Variants in XYLB observed in about 807,000 individuals in gnomAD.
XYLB encodes the protein xylulokinase, also known as xylulose kinase.
In XYLB, 62 loss-of-function variants were observed where a neutral mutation model predicts 78.7. The observed-to-expected ratio is 0.79, with a 90% confidence interval of 0.64 to 0.97. The LOEUF (loss-of-function observed/expected upper bound fraction) is 0.97. Ranked by LOEUF, XYLB falls within the 50% of genes least tolerant of loss-of-function variation. The pLI is 0.00. For synonymous variants in XYLB, 245 were observed against 247.4 expected, an observed-to-expected ratio of 0.99 and a Z score of 0.09; for missense variants, 687 against 676.8, an observed-to-expected ratio of 1.02 and a Z score of -0.17.
At chr3:38,419,966 C>A (rs1447262482), downstream of XYLB, among the ~76,000 whole-genome samples, 1 of 151,900 alleles carries the variant, frequency 6.6e-6, no homozygotes. Flanking sequence ...ATTACAGGCA[C>A]CCCCAACCAT....
chr3:38,388,183 T>TG (rs1707477756), intron 15 of XYLB, among the ~76,000 whole-genome samples: 2 of 150,682 alleles, frequency 1.3e-5, no homozygotes, highest in South Asian at 2.1e-4. Flanking sequence ...TTTTTTTTTT[T>TG]TTTTTTTTAC....
chr3:38,431,841 A>T, the XYLB span, among the ~76,000 whole-genome samples: 2 of 152,342 alleles, frequency 1.3e-5, no homozygotes, highest in Non-Finnish European at 2.9e-5. Context: ...TAATACCATC[A>T]GACCTCATGA....
At chr3:38,430,493 C>A in the XYLB span, among the ~76,000 whole-genome samples, 1 of 152,146 alleles carries the variant, frequency 6.6e-6, no homozygotes, top group African/African-American at 2.4e-5. Flanking sequence ...AATTTTCTCC[C>A]ATTCTGTAGG....
chr3:38,443,722 T>C, the XYLB span, among the ~76,000 whole-genome samples: 1 of 152,166 alleles, frequency 6.6e-6, no homozygotes, highest in Non-Finnish European at 1.5e-5. Context: ...AATAAACTTA[T>C]CTTTTAGGAT....
At chr3:38,417,262 C>A (rs1035778249), downstream of XYLB, among the ~76,000 whole-genome samples, 1 of 152,004 alleles carries the variant, frequency 6.6e-6, no homozygotes, top group Non-Finnish European at 1.5e-5. Context: ...ATGGTGAAAC[C>A]CCATCTCTAC....
intron 18 of XYLB, among the ~76,000 whole-genome samples, chr3:38,411,472 T>C (rs1708583033): frequency 1.3e-5 from 2 of 151,934 alleles, no homozygotes; most frequent in Admixed American, 1.3e-4. Context: ...ATGGCACATG[T>C]ATACATATGT....
intron 18 of XYLB, among the ~76,000 whole-genome samples, chr3:38,405,741 C>A (rs13095391): frequency 0.42 from 63,810 of 152,154 alleles, 15,707 homozygotes; most frequent in Non-Finnish European, 0.56. Context: ...TATCCCGCAC[C>A]TGGCTCAGAG....
chr3:38,428,108 A>G, the XYLB span, among the ~76,000 whole-genome samples: 1 of 152,110 alleles, frequency 6.6e-6, no homozygotes, highest in Non-Finnish European at 1.5e-5. Context: ...TAATTCCCAA[A>G]TATTAGGGGA....
chr3:38,358,390 G>T, intron 2 of XYLB, among the ~76,000 whole-genome samples: 1 of 139,048 alleles, frequency 7.2e-6, no homozygotes, highest in Non-Finnish European at 1.5e-5. Flanking sequence ...TTGCACCCAG[G>T]CTGGAGTGCA....
At position 38,413,309 on chromosome 3, in the gene XYLB, C is replaced by G. The variant is rs150025815; in HGVS notation, c.*296C>G. The stretch of plus-strand genomic sequence containing the variant: ...GGGATATGTCCAATAAAAACTATGA[C>G]TTTTCCCCTTGCAGAGGCAGAATTA... On this transcript the variant is annotated 3_prime_UTR_variant, in exon 19 of 19. Transcript: ENST00000207870. The G allele has an allele frequency of 1.2e-4, 39 of 314,134 alleles. No individual in the cohort carries two copies. Among genetic ancestry groups the G allele is most frequent in the African/African-American group, 7.5e-4 (35 of 46,518 alleles). The allele number at this position is 314,134 out of a possible 1,614,324, so 19.5% of individuals were successfully genotyped here.
At chr3:38,401,119 A>G (rs1708110234) in intron 18 of XYLB, 134 bp downstream of exon 18, 2 of 763,178 alleles carry the variant, frequency 2.6e-6, no homozygotes, top group Non-Finnish European at 4.3e-6. Flanking sequence ...TATTGAAATT[A>G]TCAAGAAAAT....
chr3:38,395,520 T>C lies in XYLB; in HGVS notation c.1307T>C (p.Ile436Thr). 6.2e-7 allele frequency: 1 copy of C among 1,614,126 alleles called. No homozygotes were observed. The highest frequency in any genetic ancestry group is 8.5e-7 in the Non-Finnish European group (1 of 1,179,984). ...LGYRVMSKTK[I>T]LATGGASHNR... ...TCCCTTGCAGTGTCCAAGACAAAGA[T>C]TTTGGCCACAGGAGGAGCATCTCAC... Residue 436 changes from isoleucine (I) to threonine (T), a missense_variant, in exon 16 of 19, where the codon ATT becomes ACT. Physicochemically the swap from Ile to Thr is moderately conservative, Grantham distance 89. Transcript: ENST00000207870.
intron 15 of XYLB, among the ~76,000 whole-genome samples, chr3:38,391,626 C>T (rs1254257386): frequency 7.4e-6 from 1 of 134,520 alleles, no homozygotes; most frequent in Non-Finnish European, 1.7e-5. Context: ...TGTGTCTCCC[C>T]AAATTCACAT....
chr3:38,401,103 C>G, intron 18 of XYLB, 118 bp downstream of exon 18: 1 of 856,982 alleles, frequency 1.2e-6, no homozygotes, highest in South Asian at 1.6e-5. Context: ...AGGAGAAATT[C>G]TGCTTTATTG....
At position 38,398,071 on chromosome 3, in the gene XYLB, G is replaced by A. The variant is rs184641616; in HGVS notation, c.1438+912G>A. ...CTGACTTTGTGATCTGCCCACCTTG[G>A]CCTCCCAAAGTACTGGGATTACAGG... On this transcript the variant is annotated intron_variant, in intron 17 of 18. Transcript: ENST00000207870. 1.4e-4 allele frequency among the ~76,000 whole-genome samples: 21 copies of A among 151,636 alleles called. No individual in the cohort carries two copies. The East Asian group carries it at 4.2e-3, about 30-fold the overall frequency.
intron 2 of XYLB, chr3:38,355,992 T>TTTAC (rs919999648): frequency 1.5e-4 from 81 of 543,354 alleles, no homozygotes; most frequent in African/African-American, 1.5e-3. Flanking sequence ...CGCTCACGCC[T>TTTAC]GTAATCCCAG....
At chr3:38,394,845 T>C (rs1395735847) in intron 15 of XYLB, among the ~76,000 whole-genome samples, 2 of 152,190 alleles carry the variant, frequency 1.3e-5, no homozygotes, top group Non-Finnish European at 2.9e-5. Context: ...CTCATGTGGC[T>C]GTTGGCAAGA....
intron 2 of XYLB, among the ~76,000 whole-genome samples, chr3:38,352,858 G>A (rs1161165738): frequency 6.6e-6 from 1 of 152,098 alleles, no homozygotes; most frequent in African/African-American, 2.4e-5. Flanking sequence ...AAAGTCATCT[G>A]TAGAGAAGGG....
intron 15 of XYLB, 108 bp from the exon 16 acceptor site, chr3:38,395,397 G>T: frequency 1.1e-6 from 1 of 914,186 alleles, no homozygotes; most frequent in Non-Finnish European, 1.8e-6. Context: ...TAAGTGGGAG[G>T]CATTGGCCCA....
Sources: gnomAD v4.1 joint callset for allele counts (sites outside exome capture counted in the v4.1 genomes callset) on GRCh38, gnomAD v4.1.1 for gene constraint, MANE v1.5 for transcripts, NCBI Gene and HGNC (gene_info 2026-07-23, HGNC 2026-07-21) for gene names.